IQGAP2: variants seen among roughly 807,000 people sequenced by gnomAD.
IQGAP2 encodes the protein IQ motif containing GTPase activating protein 2, also known as ras GTPase-activating-like protein IQGAP2.
In IQGAP2, 173 loss-of-function variants were observed where a neutral mutation model predicts 201.3. The ratio of observed to expected loss-of-function variants is 0.86; its 90% confidence interval spans 0.76 to 0.98. The LOEUF is 0.98. Ranked by LOEUF, IQGAP2 falls within the 50% of genes least tolerant of loss-of-function variation. The probability of loss-of-function intolerance (pLI) is 0.00; values close to 1 mark genes in which losing one functional copy is unlikely to be tolerated. For synonymous variants in IQGAP2, 675 were observed against 673.9 expected, an observed-to-expected ratio of 1.00 and a Z score of -0.03; for missense variants, 1,687 against 1,864.8, an observed-to-expected ratio of 0.90 and a Z score of 1.76.
chr5:76,544,916 A>G (rs1743003119), intron 2 of IQGAP2, among the ~76,000 whole-genome samples: 1 of 152,102 alleles, frequency 6.6e-6, no homozygotes, highest in Non-Finnish European at 1.5e-5. Flanking sequence ...GTATGTAGTT[A>G]TATACAGTAC....
At chr5:76,408,668 G>C (rs966715999) in intron 1 of IQGAP2, among the ~76,000 whole-genome samples, 2 of 152,144 alleles carry the variant, frequency 1.3e-5, no homozygotes, top group East Asian at 3.9e-4. Context: ...GGCTGAGGCA[G>C]GAGGATCAAG....
chr5:76,610,101 TATATATATATATA>T (rs1286611595), intron 12 of IQGAP2, among the ~76,000 whole-genome samples: 7 of 23,206 alleles, frequency 3.0e-4, no homozygotes, highest in African/African-American at 5.5e-4. Flanking sequence ...TATATATATA[TATATATATATATA>T]TTTTTTTTTT....
intron 28 of IQGAP2, among the ~76,000 whole-genome samples, chr5:76,677,718 A>C (rs1744941393): frequency 6.6e-6 from 1 of 152,162 alleles, no homozygotes; most frequent in Non-Finnish European, 1.5e-5. Flanking sequence ...ACTCAAGCCC[A>C]CAAGTTTGAG....
At chr5:76,460,028 C>T (rs1188167290) in intron 1 of IQGAP2, among the ~76,000 whole-genome samples, 3 of 152,114 alleles carry the variant, frequency 2.0e-5, no homozygotes, top group Admixed American at 6.5e-5. Flanking sequence ...TTTCTGTACG[C>T]GCAGAGTGCT....
At chr5:76,463,123 T>TAAA (rs5868826) in intron 2 of IQGAP2, among the ~76,000 whole-genome samples, 5 of 105,700 alleles carry the variant, frequency 4.7e-5, no homozygotes, top group African/African-American at 7.3e-5. Flanking sequence ...ACGCTGTCTT[T>TAAA]AAAAAAAAAA....
intron 1 of IQGAP2, among the ~76,000 whole-genome samples, chr5:76,448,789 C>G (rs1753554670): frequency 6.6e-6 from 1 of 152,170 alleles, no homozygotes; most frequent in Non-Finnish European, 1.5e-5. Flanking sequence ...GCAAAATGAG[C>G]TTGGTTTGAG....
At chr5:76,588,729 TC>T (rs1746418287) in intron 5 of IQGAP2, among the ~76,000 whole-genome samples, 176 bp from the exon 6 acceptor site, 1 of 152,206 alleles carries the variant, frequency 6.6e-6, no homozygotes, top group Admixed American at 6.5e-5. Flanking sequence ...GGAATTCTGA[TC>T]CTGGCCTCAC....
intron 21 of IQGAP2, among the ~76,000 whole-genome samples, chr5:76,663,658 C>G (rs1276585787): frequency 6.6e-6 from 1 of 152,142 alleles, no homozygotes; most frequent in Non-Finnish European, 1.5e-5. Context: ...TCCCAGACTT[C>G]TGAGTTGCCA....
intron 3 of IQGAP2, among the ~76,000 whole-genome samples, chr5:76,566,239 G>A (rs1744741332): frequency 6.6e-6 from 1 of 152,116 alleles, no homozygotes; most frequent in Non-Finnish European, 1.5e-5. Flanking sequence ...TGTGAATTGT[G>A]ATAAGTGTCT....
chr5:76,479,266 C>T (rs1363628510), intron 2 of IQGAP2, among the ~76,000 whole-genome samples: 3 of 152,166 alleles, frequency 2.0e-5, no homozygotes, highest in Admixed American at 1.3e-4. Context: ...TGCACGGGGC[C>T]TGTGCAGAAT....
chr5:76,418,326 C>T (rs975013160), intron 1 of IQGAP2, among the ~76,000 whole-genome samples: 1 of 151,978 alleles, frequency 6.6e-6, no homozygotes, highest in Non-Finnish European at 1.5e-5. Flanking sequence ...TGATTTTTAG[C>T]CAGATTCTTC....
At chr5:76,636,351 G>A (rs533457919) in intron 15 of IQGAP2, among the ~76,000 whole-genome samples, 25 of 152,262 alleles carry the variant, frequency 1.6e-4, no homozygotes, top group Middle Eastern at 6.8e-3. Context: ...GAGGAGGAGA[G>A]ATTCTTGACC....
At chr5:76,639,464 C>A (rs1751395777) in intron 16 of IQGAP2, among the ~76,000 whole-genome samples, 1 of 152,116 alleles carries the variant, frequency 6.6e-6, no homozygotes, top group South Asian at 2.1e-4. Context: ...AGGAGGAATA[C>A]TCTTGAAGGA....
intron 1 of IQGAP2, among the ~76,000 whole-genome samples, chr5:76,420,064 A>G (rs890309600): frequency 6.6e-6 from 1 of 152,154 alleles, no homozygotes; most frequent in African/African-American, 2.4e-5. Flanking sequence ...TCTCAATGCA[A>G]TGACCCTGAA....
At chr5:76,431,659 C>T (rs1055702895) in intron 1 of IQGAP2, among the ~76,000 whole-genome samples, 22 of 152,170 alleles carry the variant, frequency 1.4e-4, no homozygotes, top group African/African-American at 3.9e-4. Context: ...CCCAGCTCTA[C>T]TAAAAATATA....
rs571289488 is a variant in IQGAP2, at chr5:76,621,210, C to A, written c.1522-6200C>A. ...GCTTTAATCTCTAGCAGTTAGCTCCCGGGTGAAATGGAAACCCTCCACGTA... is the reference window on the plus strand; with the variant it reads ...GCTTTAATCTCTAGCAGTTAGCTCCAGGGTGAAATGGAAACCCTCCACGTA... On this transcript the variant is annotated intron_variant, in intron 13 of 35. Transcript: ENST00000274364. Among the ~76,000 whole-genome samples the A allele has an allele frequency of 1.4e-4, 22 of 152,152 alleles. No individual in the cohort carries two copies. In the South Asian group the frequency reaches 4.3e-3, roughly 30 times the overall value.
rs34251090 is a variant in IQGAP2, at chr5:76,626,270, C to CT, written c.1522-1121dup. 1.1e-3 allele frequency among the ~76,000 whole-genome samples: 91 copies of CT among 83,644 alleles called. 4 individuals are homozygous for CT. The highest frequency in any genetic ancestry group is 3.7e-3 in the African/African-American group (74 of 20,164). 54.9% of individuals were successfully genotyped at this position (83,644 alleles called of 152,430 possible). A position where few individuals can be genotyped will look rare whatever the true frequency, so the allele number is the denominator to read the frequency against. On this transcript the variant is annotated intron_variant, in intron 13 of 35. Transcript: ENST00000274364. Reference sequence around the variant, plus strand: ...TTCTTTTTCTTTTTTTTCTTCTTTTCTTTTTTTTTTTTTTTTTTTGTGAGA... The same window carrying CT: ...TTCTTTTTCTTTTTTTTCTTCTTTTCTTTTTTTTTTTTTTTTTTTTGTGAGA...
At chr5:76,442,004 A>G (rs1027515766) in intron 1 of IQGAP2, among the ~76,000 whole-genome samples, 13 of 152,206 alleles carry the variant, frequency 8.5e-5, no homozygotes, top group African/African-American at 3.1e-4. Context: ...GCGAGGGAAT[A>G]GCCATGGGAG....
At chr5:76,543,206 T>A (rs1341920616) in intron 2 of IQGAP2, among the ~76,000 whole-genome samples, 1 of 152,162 alleles carries the variant, frequency 6.6e-6, no homozygotes, top group Non-Finnish European at 1.5e-5. Flanking sequence ...GAGCTGGCTG[T>A]ACTGCTGCTC....
Sources: gnomAD v4.1 joint callset for allele counts (sites outside exome capture counted in the v4.1 genomes callset) on GRCh38, gnomAD v4.1.1 for gene constraint, MANE v1.5 for transcripts, NCBI Gene and HGNC (gene_info 2026-07-23, HGNC 2026-07-21) for gene names.